The following KLHL1 variants were observed in gnomAD, a reference collection of about 807,000 sequenced individuals.
KLHL1 encodes the protein kelch like family member 1.
A neutral mutation model predicts 77.7 loss-of-function variants in KLHL1; 47 were observed. The observed-to-expected ratio is 0.60, with a 90% CI of 0.48 to 0.77. The LOEUF is 0.77. Among genes scored for constraint, KLHL1 ranks in the 30% least tolerant of loss-of-function variants. The probability of loss-of-function intolerance (pLI) is 0.00; values close to 1 mark genes in which losing one functional copy is unlikely to be tolerated. For synonymous variants in KLHL1, 360 were observed against 325.2 expected, an observed-to-expected ratio of 1.11 and a Z score of -1.15; for missense variants, 925 against 910.8, an observed-to-expected ratio of 1.02 and a Z score of -0.20.
chr13:69,819,860 T>C (rs930155572), intron 6 of KLHL1, among the ~76,000 whole-genome samples: 1 of 152,162 alleles, frequency 6.6e-6, no homozygotes, highest in Non-Finnish European at 1.5e-5. Flanking sequence ...AAAGATCAGT[T>C]TGAGAGTCTC....
At chr13:69,840,970 A>C (rs1879235780) in intron 5 of KLHL1, among the ~76,000 whole-genome samples, 1 of 151,778 alleles carries the variant, frequency 6.6e-6, no homozygotes, top group African/African-American at 2.4e-5. Flanking sequence ...CTACAGTACT[A>C]AATTTATGTA....
At chr13:69,892,172 A>T (rs1881446143) in intron 4 of KLHL1, among the ~76,000 whole-genome samples, 1 of 152,190 alleles carries the variant, frequency 6.6e-6, no homozygotes, top group African/African-American at 2.4e-5. Context: ...GCAGTCATTG[A>T]GAACGGTATG....
intron 1 of KLHL1, among the ~76,000 whole-genome samples, chr13:70,010,899 A>T (rs3003203): frequency 0.54 from 80,807 of 150,274 alleles, 21,966 homozygotes; most frequent in Non-Finnish European, 0.57. Context: ...TCTCAAAAAA[A>T]AATAATAATA....
chr13:69,916,305 G>A (rs1015832499), intron 4 of KLHL1, among the ~76,000 whole-genome samples: 1 of 151,842 alleles, frequency 6.6e-6, no homozygotes, highest in East Asian at 1.9e-4. Context: ...GTTTATTGTG[G>A]CACTATTCAC....
chr13:70,060,538 C>CA (rs113523630), intron 1 of KLHL1, among the ~76,000 whole-genome samples: 82,287 of 147,796 alleles, frequency 0.56, 22,894 homozygotes, highest in East Asian at 0.79. Context: ...GACAAATAGA[C>CA]AAAAAAAAAA....
intron 8 of KLHL1, 122 bp from the exon 9 acceptor site, chr13:69,719,703 T>C: frequency 1.5e-6 from 1 of 680,114 alleles, no homozygotes; most frequent in Non-Finnish European, 2.5e-6. Context: ...TATATTACTT[T>C]GCAGGGAGAT....
At chr13:69,784,152 C>G (rs1876382684) in intron 7 of KLHL1, among the ~76,000 whole-genome samples, 2 of 152,110 alleles carry the variant, frequency 1.3e-5, no homozygotes, top group South Asian at 2.1e-4. Context: ...TTTGTCACCA[C>G]CAGGCTTGCC....
intron 6 of KLHL1, among the ~76,000 whole-genome samples, chr13:69,807,319 C>A (rs1338199267): frequency 2.0e-5 from 3 of 152,060 alleles, no homozygotes; most frequent in Non-Finnish European, 4.4e-5. Context: ...CACCCTTGGC[C>A]TGAGCTTGGG....
intron 8 of KLHL1, among the ~76,000 whole-genome samples, chr13:69,737,929 C>T (rs573629177): frequency 6.6e-6 from 1 of 152,264 alleles, no homozygotes; most frequent in South Asian, 2.1e-4. Flanking sequence ...CCTGCTCCTC[C>T]TGACTGGGTG....
intron 7 of KLHL1, among the ~76,000 whole-genome samples, chr13:69,785,948 C>G (rs1376711031): frequency 6.6e-6 from 1 of 152,134 alleles, no homozygotes; most frequent in African/African-American, 2.4e-5. Context: ...CCTCCCAAGA[C>G]TAAACCAGGA....
At chr13:69,817,699 A>G (rs1350863141) in intron 6 of KLHL1, among the ~76,000 whole-genome samples, 1 of 152,178 alleles carries the variant, frequency 6.6e-6, no homozygotes, top group Non-Finnish European at 1.5e-5. Context: ...CAGACTTATT[A>G]CCCCATGGAT....
chr13:69,797,063 A>G, intron 6 of KLHL1, 101 bp from the exon 7 acceptor site: 2 of 925,512 alleles, frequency 2.2e-6, no homozygotes, highest in East Asian at 2.5e-5. Context: ...CTCTTGTCAT[A>G]TTCATTTTTT....
intron 1 of KLHL1, among the ~76,000 whole-genome samples, chr13:70,098,744 A>G (rs1257161732): frequency 5.3e-5 from 8 of 151,834 alleles, no homozygotes; most frequent in Non-Finnish European, 1.2e-4. Context: ...AAAGGATTTC[A>G]CAGAGCATTT....
At chr13:69,939,522 A>T (rs1871398868) in intron 4 of KLHL1, among the ~76,000 whole-genome samples, 1 of 151,862 alleles carries the variant, frequency 6.6e-6, no homozygotes, top group South Asian at 2.1e-4. Flanking sequence ...AGAAAAATGT[A>T]TAAAAGGGCA....
In KLHL1 at chr13:69,977,025, A is replaced by G. The variant is rs531543518; in HGVS notation, c.498-1223T>C. Among the ~76,000 whole-genome samples the G allele has an allele frequency of 2.6e-4, 40 of 152,274 alleles. No homozygotes were observed. In the South Asian group the frequency reaches 7.0e-3, roughly 27 times the overall value. On this transcript the variant is annotated intron_variant, in intron 1 of 10. Coordinates refer to ENST00000377844, the MANE Select transcript of KLHL1 (RefSeq NM_020866.3). ...TACGAAGACTGAAACCTAGAGTTGT[A>G]TCAGTGAAAATCTCTGATTTCATTA...
chr13:69,813,357 G>A (rs555487813), intron 6 of KLHL1, among the ~76,000 whole-genome samples: 1 of 151,978 alleles, frequency 6.6e-6, no homozygotes, highest in South Asian at 2.1e-4. Flanking sequence ...ATAGCATTAG[G>A]AGATACACCT....
At chr13:69,819,240 C>T (rs979714964) in intron 6 of KLHL1, among the ~76,000 whole-genome samples, 1 of 152,016 alleles carries the variant, frequency 6.6e-6, no homozygotes, top group African/African-American at 2.4e-5. Context: ...ATGATCTGGC[C>T]AAGTCCTTTG....
At chr13:69,947,874 G>A (rs1333612674) in intron 3 of KLHL1, among the ~76,000 whole-genome samples, 1 of 152,018 alleles carries the variant, frequency 6.6e-6, no homozygotes, top group Non-Finnish European at 1.5e-5. Flanking sequence ...TTTTAAAAAA[G>A]CATGAAAACT....
rs2161757 is a variant in KLHL1, at chr13:69,847,340, A to T, written c.1228-8178T>A. Among the ~76,000 whole-genome samples, 3 of 150,920 alleles carry T rather than the reference A, an allele frequency of 2.0e-5. No homozygotes were observed. The East Asian group carries it at 5.9e-4, about 30-fold the overall frequency. On this transcript the variant is annotated intron_variant, in intron 5 of 10. Coordinates refer to ENST00000377844, the MANE Select transcript of KLHL1 (RefSeq NM_020866.3). ...AGCAACACCCTACTATACAGTTCACATCCAGAAATAAGAAAAGACCTACAT... is the reference window on the plus strand; with the variant it reads ...AGCAACACCCTACTATACAGTTCACTTCCAGAAATAAGAAAAGACCTACAT...
Sources: allele counts gnomAD v4.1 joint callset (sites outside exome capture counted in the v4.1 genomes callset), GRCh38; gene constraint gnomAD v4.1.1; transcripts MANE v1.5; gene names NCBI Gene and HGNC (gene_info 2026-07-23, HGNC 2026-07-21).